The following ZNF845 variants were observed in gnomAD, a reference collection of about 807,000 sequenced individuals.
ZNF845 encodes the protein zinc finger protein 845.
Under a neutral mutation model 76.1 loss-of-function variants are expected in ZNF845, and 59 were observed. The ratio of observed to expected loss-of-function variants is 0.78; its 90% confidence interval spans 0.63 to 0.96. ZNF845 has a LOEUF of 0.96. Among genes scored for constraint, ZNF845 ranks in the 40% least tolerant of loss-of-function variants. ZNF845 has a pLI of 0.00. For synonymous variants in ZNF845, 361 were observed against 386.9 expected, an observed-to-expected ratio of 0.93 and a Z score of 0.78; for missense variants, 1,045 against 1,172.8, an observed-to-expected ratio of 0.89 and a Z score of 1.59.
chr19:53,338,927 AAG>A (rs1301102236), intron 1 of ZNF845, among the ~76,000 whole-genome samples: 2 of 150,402 alleles, frequency 1.3e-5, no homozygotes, highest in Non-Finnish European at 3.0e-5. Flanking sequence ...AAAAAAAAAA[AAG>A]AAAGAAAGAA....
intron 3 of ZNF845, among the ~76,000 whole-genome samples, chr19:53,350,290 C>T (rs932395896): frequency 3.3e-5 from 5 of 152,060 alleles, no homozygotes; most frequent in African/African-American, 4.8e-5. Context: ...TGGGCCACCA[C>T]GCCTTGCTTA....
chr19:53,334,069 A>C (rs555698603), intron 1 of ZNF845, among the ~76,000 whole-genome samples: 1 of 152,110 alleles, frequency 6.6e-6, no homozygotes, highest in East Asian at 1.9e-4. Flanking sequence ...ACTCCTCCCG[A>C]CCCGCACTTT....
chr19:53,336,353 TAAA>T (rs1273037807), intron 1 of ZNF845, among the ~76,000 whole-genome samples: 2 of 151,564 alleles, frequency 1.3e-5, no homozygotes, highest in Non-Finnish European at 2.9e-5. Context: ...GTAAAAATAC[TAAA>T]AAAGTAAGCT....
At position 53,350,945 on chromosome 19, in the gene ZNF845, G is replaced by C. The variant is rs1365229629; in HGVS notation, c.270G>C (p.Met90Ile). ...HHIGDFCFQE[M>I]EKDIHDFEFQ... ...TTGGAGATTTTTGCTTCCAGGAAAT[G>C]GAGAAAGATATTCATGATTTTGAGT... The change falls in exon 4 of 4, where the codon ATG becomes ATC. Residue 90 changes from methionine to isoleucine, a missense_variant. By Grantham distance (10) the Met-to-Ile change is conservative. Coordinates refer to ENST00000458035, the MANE Select transcript of ZNF845 (RefSeq NM_138374.3). 1.9e-6 allele frequency: 3 copies of C among 1,614,030 alleles called. No homozygotes were observed. The East Asian group carries it at 6.7e-5, about 36-fold the overall frequency.
rs536233830 is a variant in ZNF845 at position 53,334,727 on chromosome 19, C to A, written c.-74+935C>A. Among the ~76,000 whole-genome samples the A allele has an allele frequency of 9.0e-4, 28 of 31,112 alleles. No individual in the cohort carries two copies. The East Asian group carries it at 0.017, about 19-fold the overall frequency. The allele number at this position is 31,112 out of a possible 152,430, so 20.4% of individuals were successfully genotyped here. On this transcript the variant is annotated intron_variant, in intron 1 of 3. Coordinates refer to ENST00000458035, the MANE Select transcript of ZNF845 (RefSeq NM_138374.3). ...ACCGGCCTGGGCAAAATAGTGAGAC[C>A]CCCCCCCCCATCTCTGTCAAAAAAA...
chr19:53,337,089 GCCT>G (rs2085220611), intron 1 of ZNF845: 3 of 456,748 alleles, frequency 6.6e-6, no homozygotes, highest in East Asian at 6.9e-5. Flanking sequence ...CCAGTGTCCA[GCCT>G]CCTCCTGGGA....
chr19:53,341,033 C>T (rs983831966), intron 1 of ZNF845: 2 of 554,622 alleles, frequency 3.6e-6, no homozygotes, highest in Non-Finnish European at 6.3e-6. Flanking sequence ...CTCACCCCCT[C>T]CTCTGGTCCA....
rs779619732 is a variant in ZNF845, at chr19:53,351,636, C to G, written c.961C>G (p.His321Asp). Residue 321 changes from histidine (H) to aspartate (D), a missense_variant, in exon 4 of 4, where the codon CAT becomes GAT. By Grantham distance (81) the His-to-Asp change is moderately conservative (BLOSUM62 -1). Transcript: ENST00000458035. ...AGCCCTTGTAATTCATAAGGCAATT[C>G]ATACTGGAGAGAAATCTTACAAGTG... is the stretch of plus-strand genomic sequence containing the variant. Reference protein sequence around the residue: ...NSALVIHKAIHTGEKSYKCNE... With the variant: ...NSALVIHKAIDTGEKSYKCNE... 6.6e-5 allele frequency: 106 copies of G among 1,613,962 alleles called. No individual in the cohort carries two copies. The highest frequency in any genetic ancestry group is 3.1e-5 in the Non-Finnish European group (37 of 1,179,956).
At chr19:53,350,719 G>A (rs748087512) in intron 3 of ZNF845, 99 bp from the exon 4 acceptor site, 53 of 1,456,106 alleles carry the variant, frequency 3.6e-5, no homozygotes, top group Admixed American at 1.2e-4. Flanking sequence ...TGTTTGGGAA[G>A]TTTAAAATAA....
intron 2 of ZNF845, among the ~76,000 whole-genome samples, chr19:53,344,465 G>A (rs2085279101): frequency 6.6e-6 from 1 of 152,108 alleles, no homozygotes; most frequent in African/African-American, 2.4e-5. Flanking sequence ...TTGATCCTGG[G>A]AGGTGGAGGT....
chr19:53,355,695 CAG>C lies in ZNF845; in HGVS notation c.*2108_*2109del, dbSNP rs2085381273. 1 of 152,216 alleles carries C rather than the reference CAG, an allele frequency of 6.6e-6. No homozygotes were observed. The highest frequency in any genetic ancestry group is 1.5e-5 in the Non-Finnish European group (1 of 68,028). The allele number at this position is 152,216 out of a possible 1,614,324, so 9.4% of individuals were successfully genotyped here. On this transcript the variant is annotated 3_prime_UTR_variant, in exon 4 of 4. Transcript: ENST00000458035. ...AGGACAGCCAGTATTTATTGAATATCAGGGGTGAGAGCATTCTTGCATCATGT... is the reference window on the plus strand; with the variant it reads ...AGGACAGCCAGTATTTATTGAATATCGGGTGAGAGCATTCTTGCATCATGT...
At chr19:53,338,558 G>A (rs1317444543) in intron 1 of ZNF845, among the ~76,000 whole-genome samples, 9 of 146,118 alleles carry the variant, frequency 6.2e-5, no homozygotes, top group South Asian at 2.1e-4. Flanking sequence ...TGGAGGCTCC[G>A]TGACTTTAGG....
At chr19:53,343,043 T>C (rs1000799951) in intron 2 of ZNF845, among the ~76,000 whole-genome samples, 142 of 152,252 alleles carry the variant, frequency 9.3e-4, no homozygotes, top group African/African-American at 3.4e-3. Context: ...GGTCTTGAAC[T>C]CCTGACCTCA....
chr19:53,344,363 C>T (rs2085278355), intron 2 of ZNF845, among the ~76,000 whole-genome samples: 1 of 151,946 alleles, frequency 6.6e-6, no homozygotes, highest in Non-Finnish European at 1.5e-5. Flanking sequence ...TATGGTGAAA[C>T]CCCGTTTCTA....
Position 53,352,651 on chromosome 19 carries a change from G to C in ZNF845, c.1976G>C (p.Gly659Ala). Residue 659 changes from glycine to alanine, a missense_variant, in exon 4 of 4, where the codon GGA becomes GCA. By Grantham distance (60) the Gly-to-Ala change is moderately conservative (BLOSUM62 0). Coordinates refer to ENST00000458035, the MANE Select transcript of ZNF845 (RefSeq NM_138374.3). The stretch of plus-strand genomic sequence containing the variant: ...CAAAGACATAGGAGAATTCATACTG[G>C]AGAGAAACCTTACAGGTGTAATGAA... The part of the protein sequence containing the change: ...NLQRHRRIHT[G>A]EKPYRCNECG... 1.2e-6 allele frequency: 2 copies of C among 1,613,834 alleles called. No individual in the cohort carries two copies. Among genetic ancestry groups the C allele is most frequent in the Non-Finnish European group, 8.5e-7 (1 of 1,179,906 alleles).
At chr19:53,334,981 T>C (rs1161086645) in intron 1 of ZNF845, among the ~76,000 whole-genome samples, 1 of 152,184 alleles carries the variant, frequency 6.6e-6, no homozygotes, top group Non-Finnish European at 1.5e-5. Context: ...TTAGTTGTGA[T>C]ATGTTGACTT....
chr19:53,346,108 T>G (rs1158386296), intron 3 of ZNF845, among the ~76,000 whole-genome samples: 1 of 152,210 alleles, frequency 6.6e-6, no homozygotes, highest in Non-Finnish European at 1.5e-5. Context: ...ATTGAGCCAG[T>G]CTTTGCCTTC....
In ZNF845 at chr19:53,355,446, T is replaced by C. The variant is rs901273965; in HGVS notation, c.*1858T>C. On this transcript the variant is annotated 3_prime_UTR_variant, in exon 4 of 4. Coordinates refer to ENST00000458035, the MANE Select transcript of ZNF845 (RefSeq NM_138374.3). ...TTTTTTTATTTTAGTAAAGACGGGG[T>C]TTCACCATGTTGGCCCAGATGGTGG... 6 of 151,700 alleles carry C rather than the reference T, an allele frequency of 4.0e-5. No homozygotes were observed. The highest frequency in any genetic ancestry group is 1.5e-4 in the African/African-American group (6 of 41,288). 9.4% of individuals were successfully genotyped at this position (151,700 alleles called of 1,614,324 possible).
At chr19:53,341,861 T>A (rs1380938870) in intron 2 of ZNF845, among the ~76,000 whole-genome samples, 1 of 152,200 alleles carries the variant, frequency 6.6e-6, no homozygotes, top group Non-Finnish European at 1.5e-5. Context: ...ACATGAATGA[T>A]AGAAGATGTT....
Sources: gnomAD v4.1 joint callset for allele counts (sites outside exome capture counted in the v4.1 genomes callset) on GRCh38, gnomAD v4.1.1 for gene constraint, MANE v1.5 for transcripts, NCBI Gene and HGNC (gene_info 2026-07-23, HGNC 2026-07-21) for gene names.